RAP1A: variants seen among roughly 807,000 people sequenced by gnomAD.
RAP1A encodes the protein RAP1A, member of RAS oncogene family.
A neutral mutation model predicts 26.4 loss-of-function variants in RAP1A; 6 were observed. The observed-to-expected ratio is 0.23, with a 90% confidence interval of 0.12 to 0.45. The LOEUF (loss-of-function observed/expected upper bound fraction) is 0.45. Ranked by LOEUF, RAP1A falls within the 20% of genes least tolerant of loss-of-function variation. The pLI, the probability that RAP1A is intolerant of heterozygous loss-of-function variation, is 0.99. For missense variants in RAP1A, 121 were observed against 217.2 expected (o/e 0.56, Z 2.78); for synonymous variants, 73 against 79.4 (o/e 0.92, Z 0.43).
At chr1:111,695,158 A>G (rs1195952933) in intron 2 of RAP1A, among the ~76,000 whole-genome samples, 183 bp from the exon 3 acceptor site, 2 of 151,874 alleles carry the variant, frequency 1.3e-5, no homozygotes, top group Non-Finnish European at 2.9e-5. Context: ...CTCCTTTCAT[A>G]ATAAATGTAC....
At chr1:111,568,944 ATT>A (rs1657982628) in intron 1 of RAP1A, among the ~76,000 whole-genome samples, 1 of 152,010 alleles carries the variant, frequency 6.6e-6, no homozygotes. Context: ...TTTTAATAAC[ATT>A]TTCTTTTCGC....
intron 1 of RAP1A, among the ~76,000 whole-genome samples, chr1:111,564,463 T>C (rs1365892669): frequency 1.3e-5 from 2 of 151,288 alleles, no homozygotes; most frequent in Admixed American, 6.6e-5. Flanking sequence ...TCAGCCATGA[T>C]GGCACCACCA....
intron 4 of RAP1A, among the ~76,000 whole-genome samples, chr1:111,698,478 A>G (rs1340823662): frequency 6.6e-6 from 1 of 152,126 alleles, no homozygotes; most frequent in Admixed American, 6.5e-5. Context: ...TGTGTTGCCC[A>G]GGCTAATCTC....
intron 1 of RAP1A, among the ~76,000 whole-genome samples, chr1:111,662,722 G>T (rs1257970526): frequency 1.5e-5 from 2 of 135,686 alleles, no homozygotes; most frequent in Admixed American, 7.6e-5. Context: ...AAAGCATTAA[G>T]CTTCTGTACC....
intron 1 of RAP1A, among the ~76,000 whole-genome samples, chr1:111,675,355 T>TCAG (rs1394401546): frequency 6.6e-6 from 1 of 151,950 alleles, no homozygotes; most frequent in East Asian, 1.9e-4. Context: ...ACCTGTAGTC[T>TCAG]CAGCTACTCG....
At chr1:111,553,865 A>G (rs1182030576) in intron 1 of RAP1A, among the ~76,000 whole-genome samples, 1 of 152,084 alleles carries the variant, frequency 6.6e-6, no homozygotes, top group Non-Finnish European at 1.5e-5. Flanking sequence ...CTCATTGATC[A>G]CTCTTTCTGC....
intron 1 of RAP1A, chr1:111,649,464 T>C (rs1049765378): frequency 3.1e-6 from 1 of 326,666 alleles, no homozygotes; most frequent in Non-Finnish European, 6.0e-6. Context: ...GGATAGACGC[T>C]GGCCAGGCGC....
chr1:111,670,486 C>CA (rs945782190), intron 1 of RAP1A, among the ~76,000 whole-genome samples: 4 of 151,260 alleles, frequency 2.6e-5, no homozygotes, highest in African/African-American at 9.7e-5. Context: ...AACTAACAAA[C>CA]AAAAAAACCA....
intron 1 of RAP1A, among the ~76,000 whole-genome samples, chr1:111,628,463 A>G (rs1364393920): frequency 1.3e-5 from 2 of 152,124 alleles, no homozygotes; most frequent in East Asian, 3.9e-4. Flanking sequence ...AATTATGGAG[A>G]TTGGGGCTAG....
At chr1:111,573,554 C>A (rs190046988) in intron 1 of RAP1A, among the ~76,000 whole-genome samples, 57 of 152,216 alleles carry the variant, frequency 3.7e-4, no homozygotes, top group African/African-American at 1.3e-3. Flanking sequence ...AGGCTGGTCT[C>A]GAACTCCTGA....
At chr1:111,629,123 G>T (rs749811913) in intron 1 of RAP1A, among the ~76,000 whole-genome samples, 1 of 152,062 alleles carries the variant, frequency 6.6e-6, no homozygotes, top group East Asian at 1.9e-4. Context: ...AAAACCAGTC[G>T]TGTGAGCAGA....
chr1:111,619,784 G>A (rs969242453), upstream of RAP1A: 1 of 397,682 alleles, frequency 2.5e-6, no homozygotes, highest in Non-Finnish European at 4.4e-6. Context: ...TCTGGAGGAG[G>A]CGCCGCCGCC....
Position 111,643,746 on chromosome 1 carries a change from AGGTCTTCTCTCAGAGAACTG to A in RAP1A, c.-28+23815_-28+23834del, listed in dbSNP as rs375336617. 3.0e-3 allele frequency among the ~76,000 whole-genome samples: 457 copies of A among 152,348 alleles called. 1 individual carries two copies. The highest frequency in any genetic ancestry group is 0.01 in the African/African-American group (424 of 41,580). On this transcript the variant is annotated intron_variant, in intron 1 of 7. Transcript: ENST00000369709. ...CTTATCATCAGCACTGGTGTGTAGTAGGTCTTCTCTCAGAGAACTGGGCAGATACCTACAGAACCTATAAG... is the reference window on the plus strand; with the variant it reads ...CTTATCATCAGCACTGGTGTGTAGTAGGCAGATACCTACAGAACCTATAAG...
chr1:111,665,909 T>C (rs894414279), intron 1 of RAP1A, among the ~76,000 whole-genome samples: 87 of 152,334 alleles, frequency 5.7e-4, no homozygotes, highest in African/African-American at 1.9e-3. Context: ...TATTTTACTT[T>C]AGAGCTTTAA....
At chr1:111,668,918 T>C (rs1660883268) in intron 1 of RAP1A, among the ~76,000 whole-genome samples, 1 of 150,714 alleles carries the variant, frequency 6.6e-6, no homozygotes, top group African/African-American at 2.4e-5. Flanking sequence ...TAGTCCCAGC[T>C]ACTTGGGAGG....
intron 7 of RAP1A, among the ~76,000 whole-genome samples, chr1:111,709,955 A>G (rs1468032669): frequency 2.6e-5 from 4 of 152,142 alleles, no homozygotes; most frequent in Admixed American, 6.5e-5. Flanking sequence ...GCACATTCCT[A>G]TATGTCTTTG....
At chr1:111,647,467 A>T (rs898290864) in intron 1 of RAP1A, among the ~76,000 whole-genome samples, 3 of 152,204 alleles carry the variant, frequency 2.0e-5, no homozygotes, top group Admixed American at 6.5e-5. Flanking sequence ...CGCCCACTCC[A>T]GTCTGTGAAA....
chr1:111,562,144 T>C (rs916642150), intron 1 of RAP1A, among the ~76,000 whole-genome samples: 8 of 152,188 alleles, frequency 5.3e-5, no homozygotes, highest in African/African-American at 1.7e-4. Flanking sequence ...GGTCTTTTCT[T>C]GTGGGCAACG....
At chr1:111,627,325 T>A (rs945028636) in intron 1 of RAP1A, 1 of 152,194 alleles carries the variant, frequency 6.6e-6, no homozygotes, top group Non-Finnish European at 1.5e-5. Context: ...GATCATACTT[T>A]TTTTTCCTGA....
Sources: allele counts gnomAD v4.1 joint callset (sites outside exome capture counted in the v4.1 genomes callset), GRCh38; gene constraint gnomAD v4.1.1; transcripts MANE v1.5; gene names NCBI Gene and HGNC (gene_info 2026-07-23, HGNC 2026-07-21).